Variants in TMPRSS15 observed in about 807,000 individuals in gnomAD.
The protein encoded by TMPRSS15 is transmembrane serine protease 15, also known as enteropeptidase.
A neutral mutation model predicts 125.3 loss-of-function variants in TMPRSS15; 128 were observed. The observed-to-expected ratio is 1.02, with a 90% CI of 0.89 to 1.18. TMPRSS15 has a LOEUF of 1.18. Ranked by LOEUF, TMPRSS15 falls within the 50% of genes most tolerant of loss-of-function variation. The pLI is 0.00. For synonymous variants in TMPRSS15, 446 were observed against 423.2 expected, an observed-to-expected ratio of 1.05 and a Z score of -0.66; for missense variants, 1,283 against 1,212.7, an observed-to-expected ratio of 1.06 and a Z score of -0.86.
At chr21:18,411,917 C>T (rs1362190544) in intron 1 of TMPRSS15, among the ~76,000 whole-genome samples, 1 of 152,142 alleles carries the variant, frequency 6.6e-6, no homozygotes, top group African/African-American at 2.4e-5. Context: ...ACCTGTATTT[C>T]GGGGAAGAAA....
intron 21 of TMPRSS15, among the ~76,000 whole-genome samples, chr21:18,290,742 T>C (rs1399017369): frequency 6.6e-6 from 1 of 152,174 alleles, no homozygotes; most frequent in Non-Finnish European, 1.5e-5. Flanking sequence ...TTCCATGATT[T>C]GCTGTGATTC....
chr21:18,449,721 T>C (rs984184837), intron 1 of TMPRSS15, among the ~76,000 whole-genome samples: 4 of 152,052 alleles, frequency 2.6e-5, no homozygotes, highest in African/African-American at 7.2e-5. Flanking sequence ...ACTGTCAAAA[T>C]TGTGAGTATC....
At chr21:18,363,027 A>T (rs1443948381) in intron 7 of TMPRSS15, among the ~76,000 whole-genome samples, 1 of 152,194 alleles carries the variant, frequency 6.6e-6, no homozygotes, top group Non-Finnish European at 1.5e-5. Context: ...CCTGCTCAAA[A>T]TATAGTTTAA....
At chr21:18,392,727 G>T (rs1256098126) in intron 3 of TMPRSS15, among the ~76,000 whole-genome samples, 1 of 152,204 alleles carries the variant, frequency 6.6e-6, no homozygotes, top group Non-Finnish European at 1.5e-5. Context: ...AAGGAAGGAA[G>T]TTTAATTGAC....
intron 23 of TMPRSS15, among the ~76,000 whole-genome samples, chr21:18,275,790 G>C (rs1437774415): frequency 6.6e-6 from 1 of 152,166 alleles, no homozygotes; most frequent in Non-Finnish European, 1.5e-5. Context: ...GAGTGAGCAG[G>C]TGCACATCGA....
At chr21:18,323,006 A>G (rs2075254617) in intron 16 of TMPRSS15, among the ~76,000 whole-genome samples, 1 of 152,206 alleles carries the variant, frequency 6.6e-6, no homozygotes, top group South Asian at 2.1e-4. Context: ...ATGTGTAATT[A>G]TTATGAGTCC....
intron 1 of TMPRSS15, among the ~76,000 whole-genome samples, chr21:18,442,615 T>C (rs969935779): frequency 4.6e-5 from 7 of 152,202 alleles, no homozygotes; most frequent in Non-Finnish European, 8.8e-5. Flanking sequence ...ACCTTGAATA[T>C]CACATTTCTT....
chr21:18,272,561 T>TA (rs1277557545), intron 24 of TMPRSS15, among the ~76,000 whole-genome samples: 2 of 151,960 alleles, frequency 1.3e-5, no homozygotes, highest in Admixed American at 6.6e-5. Flanking sequence ...CGGTCTCTAC[T>TA]AAAAATACAA....
intron 1 of TMPRSS15, among the ~76,000 whole-genome samples, chr21:18,464,172 CA>C (rs1163284712): frequency 0.063 from 2,335 of 37,220 alleles, 11 homozygotes; most frequent in Non-Finnish European, 0.079. Flanking sequence ...GACTCCGTCT[CA>C]AAAAAAAAAA....
intron 19 of TMPRSS15, among the ~76,000 whole-genome samples, chr21:18,296,127 T>C (rs1758729221): frequency 6.6e-6 from 1 of 152,170 alleles, no homozygotes; most frequent in Non-Finnish European, 1.5e-5. Flanking sequence ...CACTCCAGCC[T>C]GGGCAACAGA....
At chr21:18,456,766 A>T in intron 1 of TMPRSS15, among the ~76,000 whole-genome samples, 1 of 152,120 alleles carries the variant, frequency 6.6e-6, no homozygotes, top group East Asian at 1.9e-4. Context: ...ACTTGGAATA[A>T]ATGTATTATC....
chr21:18,484,013 CTCTTT>C (rs972442175), intron 1 of TMPRSS15, among the ~76,000 whole-genome samples: 13 of 151,938 alleles, frequency 8.6e-5, no homozygotes, highest in Admixed American at 5.3e-4. Context: ...ACTAGGTGCC[CTCTTT>C]TCTTTTCCTC....
chr21:18,405,436 C>G (rs2076144934), upstream of TMPRSS15, among the ~76,000 whole-genome samples: 3 of 152,016 alleles, frequency 2.0e-5, no homozygotes, highest in African/African-American at 7.2e-5. Flanking sequence ...AAAATCAAAT[C>G]ACATATCTTG....
chr21:18,444,222 C>G (rs761562404), intron 1 of TMPRSS15, among the ~76,000 whole-genome samples: 1 of 152,078 alleles, frequency 6.6e-6, no homozygotes, highest in African/African-American at 2.4e-5. Context: ...AGCAAAGATA[C>G]GGAATCAACC....
At chr21:18,316,321 A>G (rs1450150191) in intron 16 of TMPRSS15, among the ~76,000 whole-genome samples, 1 of 152,184 alleles carries the variant, frequency 6.6e-6, no homozygotes, top group Non-Finnish European at 1.5e-5. Flanking sequence ...CGAACATACA[A>G]GCAACAACCA....
intron 22 of TMPRSS15, among the ~76,000 whole-genome samples, chr21:18,279,341 T>A (rs1360320714): frequency 8.3e-6 from 1 of 121,198 alleles, no homozygotes; most frequent in African/African-American, 4.0e-5. Flanking sequence ...TTTTTTTTTT[T>A]TTGAGACGGA....
At chr21:18,312,809 T>G in intron 18 of TMPRSS15, 136 bp downstream of exon 18, 1 of 1,185,526 alleles carries the variant, frequency 8.4e-7, no homozygotes, top group Non-Finnish European at 1.2e-6. Context: ...ATCAAGATTT[T>G]TATTTTCTCC....
intron 16 of TMPRSS15, among the ~76,000 whole-genome samples, chr21:18,324,817 T>G (rs775374997): frequency 1.2e-4 from 19 of 152,140 alleles, no homozygotes; most frequent in Non-Finnish European, 2.1e-4. Flanking sequence ...CTCAGCTATG[T>G]CCATCACCCT....
intron 1 of TMPRSS15, among the ~76,000 whole-genome samples, chr21:18,448,192 G>A (rs967372089): frequency 6.6e-6 from 1 of 152,134 alleles, no homozygotes; most frequent in Admixed American, 6.5e-5. Flanking sequence ...TATTAATAAA[G>A]TCACCACAGT....
Sources: gnomAD v4.1 joint callset for allele counts (sites outside exome capture counted in the v4.1 genomes callset) on GRCh38, gnomAD v4.1.1 for gene constraint, MANE v1.5 for transcripts, NCBI Gene and HGNC (gene_info 2026-07-23, HGNC 2026-07-21) for gene names.